Variants in VWF observed in about 807,000 individuals in gnomAD.
The protein encoded by VWF is Factor VIII related antigen.
VWF carries 176 observed loss-of-function variants against 308.6 expected under a neutral mutation model. The observed-to-expected ratio is 0.57, with a 90% CI of 0.50 to 0.65. The LOEUF (loss-of-function observed/expected upper bound fraction) is 0.65, where lower values mean the gene tolerates loss of function less well. Ranked by LOEUF, VWF falls within the 30% of genes least tolerant of loss-of-function variation. The pLI, the probability that VWF is intolerant of heterozygous loss-of-function variation, is 0.00. For synonymous variants in VWF, 1,385 were observed against 1,443.4 expected (o/e 0.96, Z 0.92); for missense variants, 3,146 against 3,648.2 (o/e 0.86, Z 3.55).
chr12:6,018,312 G>T (rs1944085056), intron 28 of VWF, 53 bp downstream of exon 28: 6 of 1,571,272 alleles, frequency 3.8e-6, no homozygotes, highest in Non-Finnish European at 5.2e-6. Context: ...TAGCACCAAG[G>T]CCATGCCAGC....
At chr12:5,980,590 G>C (rs1591840991) in intron 42 of VWF, among the ~76,000 whole-genome samples, 2 of 152,224 alleles carry the variant, frequency 1.3e-5, no homozygotes, top group African/African-American at 4.8e-5. Flanking sequence ...CAAGGCAGGA[G>C]GGGTGGGCAG....
intron 13 of VWF, among the ~76,000 whole-genome samples, chr12:6,061,686 C>T (rs750358212): frequency 6.6e-5 from 10 of 152,152 alleles, no homozygotes; most frequent in South Asian, 2.1e-4. Context: ...CATAATCTAG[C>T]GCAGTGGTTC....
At chr12:5,959,299 T>C (rs192426025) in intron 47 of VWF, among the ~76,000 whole-genome samples, 335 of 152,294 alleles carry the variant, frequency 2.2e-3, no homozygotes, top group African/African-American at 7.6e-3. Context: ...GAGGGATGCA[T>C]CTACAGAACT....
Position 5,996,163 on chromosome 12 carries a change from G to T in VWF, c.5902C>A (p.Leu1968Met). The change falls in exon 35 of 52, where the codon CTG becomes ATG. Residue 1968 changes from leucine (L) to methionine (M), a missense_variant. Transcript: ENST00000261405. ...AGGACATAAGAACAGCTGCCAGTCA[G>T]CTTGAAATTCTGCCCATCAAAGGTC... ...IVTFDGQNFK[L>M]TGSCSYVLFQ... The T allele has an allele frequency of 1.9e-6, 3 of 1,614,074 alleles. No homozygotes were observed. The highest frequency in any genetic ancestry group is 2.5e-6 in the Non-Finnish European group (3 of 1,180,024).
chr12:6,093,085 T>G (rs536967499), intron 6 of VWF, among the ~76,000 whole-genome samples: 62 of 152,216 alleles, frequency 4.1e-4, no homozygotes, highest in Admixed American at 1.4e-3. Context: ...AGCTCTCCTC[T>G]CTAAGTTTAT....
intron 47 of VWF, among the ~76,000 whole-genome samples, chr12:5,962,576 C>G (rs1943332072): frequency 7.5e-6 from 1 of 134,082 alleles, no homozygotes; most frequent in Admixed American, 8.0e-5. Context: ...CAGAGTCTCG[C>G]TCTGTCACCA....
intron 18 of VWF, among the ~76,000 whole-genome samples, 170 bp from the exon 19 acceptor site, chr12:6,036,661 A>T (rs1320978999): frequency 2.0e-5 from 3 of 152,232 alleles, no homozygotes; most frequent in Non-Finnish European, 4.4e-5. Context: ...ACTGCAGGCC[A>T]AGCCAGGACA....
chr12:6,031,680 C>G (rs1944265521), intron 20 of VWF, 102 bp from the exon 21 acceptor site: 1 of 1,570,538 alleles, frequency 6.4e-7, no homozygotes, highest in Non-Finnish European at 8.7e-7. Flanking sequence ...GTACGTGTCA[C>G]AGGATCTTGC....
chr12:6,028,467 C>T (rs1019509485), intron 22 of VWF, among the ~76,000 whole-genome samples: 17 of 152,068 alleles, frequency 1.1e-4, no homozygotes, highest in Non-Finnish European at 2.1e-4. Context: ...GTCAGATTTA[C>T]CAGGTTGAAA....
intron 6 of VWF, among the ~76,000 whole-genome samples, chr12:6,093,604 T>G (rs1289630169): frequency 8.5e-5 from 13 of 152,174 alleles, no homozygotes; most frequent in Admixed American, 8.5e-4. Context: ...CCTCAGATGA[T>G]GAGTCTCTGA....
chr12:5,953,785 T>G (rs749589612), intron 47 of VWF, 191 bp from the exon 48 acceptor site: 10 of 621,338 alleles, frequency 1.6e-5, no homozygotes, highest in Non-Finnish European at 2.6e-5. Context: ...TCACTCTGCA[T>G]GTGCACATCT....
Position 6,092,616 on chromosome 12 carries a change from A to AGAGAGAGAGAGAGAGTGTGT in VWF, c.657+2843_657+2844insACACACTCTCTCTCTCTCTC, listed in dbSNP as rs1555073710. Among the ~76,000 whole-genome samples the AGAGAGAGAGAGAGAGTGTGT allele has an allele frequency of 7.2e-5, 7 of 96,670 alleles. No individual in the cohort carries two copies. In the East Asian group the frequency reaches 1.7e-3, roughly 23 times the overall value. 63.4% of individuals were successfully genotyped at this position (96,670 alleles called of 152,430 possible). Reference sequence around the variant, plus strand: ...TGCCCAGCTAGTTAGTGAGTGAGTGAGAGTGTGTGTGTGTGTGTGTGTGTG... The same window carrying AGAGAGAGAGAGAGAGTGTGT: ...TGCCCAGCTAGTTAGTGAGTGAGTGAGAGAGAGAGAGAGAGTGTGTGAGTGTGTGTGTGTGTGTGTGTGTG... On this transcript the variant is annotated intron_variant, in intron 6 of 51. Coordinates refer to ENST00000261405, the MANE Select transcript of VWF (RefSeq NM_000552.5).
intron 46 of VWF, among the ~76,000 whole-genome samples, chr12:5,967,911 C>G (rs1375045208): frequency 6.6e-6 from 1 of 152,170 alleles, no homozygotes; most frequent in Non-Finnish European, 1.5e-5. Context: ...GAGGTGGGGG[C>G]CAGGAAGTGA....
Position 6,024,024 on chromosome 12 carries a change from C to T in VWF, c.3223-237G>A, listed in dbSNP as rs1298344075. On this transcript the variant is annotated intron_variant, in intron 24 of 51. Coordinates refer to ENST00000261405, the MANE Select transcript of VWF (RefSeq NM_000552.5). The surrounding 1 kb of genome is among the most constrained non-coding windows in gnomAD (Gnocchi z 4.0). ...GCAGTGCTGCTGGCCTTCTGCAGAA[C>T]ACAATGAGCCTGAGGATTTTCCAGA... 6.6e-6 allele frequency among the ~76,000 whole-genome samples: 1 copy of T among 152,240 alleles called. No individual in the cohort carries two copies. The highest frequency in any genetic ancestry group is 1.9e-4 in the East Asian group (1 of 5,200).
At chr12:6,047,628 C>T (rs1214244230) in intron 16 of VWF, among the ~76,000 whole-genome samples, 1 of 152,222 alleles carries the variant, frequency 6.6e-6, no homozygotes, top group Non-Finnish European at 1.5e-5. Flanking sequence ...ATGTAAAAGT[C>T]TCCTAACTGA....
At chr12:6,056,782 G>C in intron 15 of VWF, 75 bp downstream of exon 15, 3 of 1,237,524 alleles carry the variant, frequency 2.4e-6, no homozygotes, top group Non-Finnish European at 3.1e-6. Flanking sequence ...ACAACGCAGA[G>C]AAAGGGCTTC....
At chr12:5,982,627 C>T (rs1467189464) in intron 41 of VWF, among the ~76,000 whole-genome samples, 5 of 152,084 alleles carry the variant, frequency 3.3e-5, no homozygotes, top group South Asian at 2.1e-4. Flanking sequence ...AGGACAAGAA[C>T]GCCAACGGAG....
intron 6 of VWF, among the ~76,000 whole-genome samples, chr12:6,078,860 T>C (rs746905649): frequency 6.6e-6 from 1 of 152,174 alleles, no homozygotes; most frequent in African/African-American, 2.4e-5. Flanking sequence ...AGAGGGATAA[T>C]GGGAACAGTA....
At chr12:6,079,689 G>A (rs1029576655) in intron 6 of VWF, among the ~76,000 whole-genome samples, 1 of 152,096 alleles carries the variant, frequency 6.6e-6, no homozygotes, top group Non-Finnish European at 1.5e-5. Flanking sequence ...TGGGATGCAG[G>A]TAGTGACCAA....
Sources: allele counts gnomAD v4.1 joint callset (sites outside exome capture counted in the v4.1 genomes callset), GRCh38; gene constraint gnomAD v4.1.1; non-coding constraint Gnocchi (gnomAD v3.1); transcripts MANE v1.5; gene names NCBI Gene and HGNC (gene_info 2026-07-23, HGNC 2026-07-21).